KCNMA1: variants seen among roughly 807,000 people sequenced by gnomAD.
KCNMA1 encodes the protein potassium calcium-activated channel subfamily M alpha 1, also known as Calcium-activated potassium channel subunit alpha-1.
KCNMA1 carries 29 observed loss-of-function variants against 140.0 expected under a neutral mutation model. The ratio of observed to expected loss-of-function variants is 0.21; its 90% CI spans 0.15 to 0.28. The LOEUF (loss-of-function observed/expected upper bound fraction) is 0.28, where lower values mean the gene tolerates loss of function less well. Among genes scored for constraint, KCNMA1 ranks in the 10% least tolerant of loss-of-function variants. The pLI is 1.00. For synonymous variants in KCNMA1, 612 were observed against 611.9 expected, an observed-to-expected ratio of 1.00 and a Z score of 0.00; for missense variants, 880 against 1,602.2, an observed-to-expected ratio of 0.55 and a Z score of 7.70.
intron 5 of KCNMA1, among the ~76,000 whole-genome samples, chr10:77,132,522 ATTTT>A (rs34605286): frequency 2.9e-5 from 4 of 138,404 alleles, no homozygotes; most frequent in Non-Finnish European, 3.1e-5. Flanking sequence ...AGCAGGTTAA[ATTTT>A]TTTTTTTTTT....
At chr10:77,543,266 A>G (rs980376546) in intron 1 of KCNMA1, among the ~76,000 whole-genome samples, 22 of 152,128 alleles carry the variant, frequency 1.4e-4, no homozygotes, top group Admixed American at 6.6e-5. Flanking sequence ...CTCATCTCCC[A>G]TGTTCCCCTA....
chr10:77,378,392 G>A (rs535551473), intron 2 of KCNMA1, among the ~76,000 whole-genome samples: 6 of 152,336 alleles, frequency 3.9e-5, no homozygotes, highest in Admixed American at 1.3e-4. Context: ...ACCCTTCAGG[G>A]AGAGGAAGGA....
chr10:77,326,229 T>C (rs925103186), intron 2 of KCNMA1, among the ~76,000 whole-genome samples: 2 of 152,164 alleles, frequency 1.3e-5, no homozygotes, highest in African/African-American at 4.8e-5. Context: ...TCATCTGTTT[T>C]CTCTGTCCTA....
chr10:77,132,319 G>A (rs1017667964), intron 5 of KCNMA1, among the ~76,000 whole-genome samples: 1 of 151,932 alleles, frequency 6.6e-6, no homozygotes, highest in African/African-American at 2.4e-5. Context: ...AAGGGGCACA[G>A]GAATGAAAAG....
intron 1 of KCNMA1, among the ~76,000 whole-genome samples, chr10:77,560,060 G>A (rs2065872327): frequency 6.6e-6 from 1 of 151,990 alleles, no homozygotes; most frequent in Admixed American, 6.6e-5. Context: ...GCGGGTGCCT[G>A]TAATCTCAGC....
intron 1 of KCNMA1, among the ~76,000 whole-genome samples, chr10:77,574,954 G>C (rs1027604263): frequency 1.3e-5 from 2 of 152,202 alleles, no homozygotes; most frequent in East Asian, 3.9e-4. Context: ...CCTGACCACT[G>C]CAGGGGCTGG....
chr10:77,510,884 A>AT (rs1192386621), intron 1 of KCNMA1, among the ~76,000 whole-genome samples: 1 of 152,192 alleles, frequency 6.6e-6, no homozygotes, highest in African/African-American at 2.4e-5. Flanking sequence ...TTAACAACAC[A>AT]TGGAGATGAC....
chr10:77,470,222 T>C (rs2098120813), intron 1 of KCNMA1, among the ~76,000 whole-genome samples: 1 of 152,116 alleles, frequency 6.6e-6, no homozygotes, highest in Non-Finnish European at 1.5e-5. Context: ...ATGCCAATCC[T>C]GGGGGAGGGC....
intron 5 of KCNMA1, among the ~76,000 whole-genome samples, chr10:77,165,034 A>G (rs1359168721): frequency 1.3e-5 from 2 of 152,224 alleles, no homozygotes; most frequent in Admixed American, 1.3e-4. Flanking sequence ...AGACTTCTGA[A>G]GAATGAGTTG....
chr10:76,979,482 C>T (rs1429292604), intron 19 of KCNMA1: 1 of 151,952 alleles, frequency 6.6e-6, no homozygotes, highest in Non-Finnish European at 1.5e-5. Flanking sequence ...TTCTTTCCCC[C>T]CACCCCCAAA....
chr10:76,969,144 A>G lies in KCNMA1; in HGVS notation c.2360+830T>C, dbSNP rs77051022. On this transcript the variant is annotated intron_variant, in intron 20 of 27. Transcript: ENST00000286628. ...TGAAGACAAAAAGGGGAGATAAAAG[A>G]CAGATAGGCCAAGAAGAAGAAACTG... 7.4e-3 allele frequency among the ~76,000 whole-genome samples: 1,119 copies of G among 152,070 alleles called. 14 individuals carry two copies. Among genetic ancestry groups the G allele is most frequent in the African/African-American group, 0.026 (1,066 of 41,494 alleles).
At chr10:77,221,868 T>C (rs1449227420) in intron 3 of KCNMA1, among the ~76,000 whole-genome samples, 1 of 152,184 alleles carries the variant, frequency 6.6e-6, no homozygotes, top group Non-Finnish European at 1.5e-5. Context: ...GGAATATTTA[T>C]GATGCAGAGT....
rs547960859 is a variant in KCNMA1, at chr10:77,446,245, C to T, written c.379-42222G>A. On this transcript the variant is annotated intron_variant, in intron 1 of 27. Coordinates refer to ENST00000286628, the MANE Select transcript of KCNMA1 (RefSeq NM_001161352.2). The stretch of plus-strand genomic sequence containing the variant: ...CCAGTGAAACTAAACAGAGTCACTG[C>T]CTATGAAGTCCCTTCAGTCTGGAGC... 2.0e-5 allele frequency among the ~76,000 whole-genome samples: 3 copies of T among 152,328 alleles called. No homozygotes were observed. The South Asian group carries it at 6.2e-4, about 32-fold the overall frequency.
chr10:77,214,743 G>A (rs901444411), intron 3 of KCNMA1, among the ~76,000 whole-genome samples: 4 of 152,086 alleles, frequency 2.6e-5, no homozygotes, highest in Admixed American at 6.5e-5. Context: ...TTGGCAATTG[G>A]CCACTCCCTC....
intron 3 of KCNMA1, among the ~76,000 whole-genome samples, chr10:77,188,468 C>T (rs1009031941): frequency 1.3e-5 from 2 of 152,116 alleles, no homozygotes; most frequent in African/African-American, 4.8e-5. Context: ...ATCCATGAAA[C>T]AAGTGTGATA....
intron 1 of KCNMA1, among the ~76,000 whole-genome samples, chr10:77,550,870 C>A (rs1347390830): frequency 1.3e-5 from 2 of 152,284 alleles, no homozygotes; most frequent in African/African-American, 4.8e-5. Flanking sequence ...TGGGCCCTAG[C>A]CCTCAAGCTT....
Position 77,632,063 on chromosome 10 carries a change from G to A in KCNMA1, c.378+5202C>T, listed in dbSNP as rs1399693036. On this transcript the variant is annotated intron_variant, in intron 1 of 27. Coordinates refer to ENST00000286628, the MANE Select transcript of KCNMA1 (RefSeq NM_001161352.2). ...CAGGCTGAACCTTGGGCACTGCACA[G>A]CACCCCTGACACTGAAGCAAGACTG... Among the ~76,000 whole-genome samples the A allele has an allele frequency of 2.0e-5, 3 of 152,332 alleles. No homozygotes were observed. In the East Asian group the frequency reaches 5.8e-4, roughly 29 times the overall value.
chr10:77,080,626 T>C (rs940766345), intron 12 of KCNMA1, among the ~76,000 whole-genome samples: 5 of 152,108 alleles, frequency 3.3e-5, no homozygotes, highest in East Asian at 1.9e-4. Flanking sequence ...TTGGAATGCA[T>C]TGGAGATGGG....
At chr10:77,126,097 A>G (rs537959072) in intron 5 of KCNMA1, among the ~76,000 whole-genome samples, 97 of 152,334 alleles carry the variant, frequency 6.4e-4, no homozygotes, top group Non-Finnish European at 1.2e-3. Flanking sequence ...TTTGGTGACA[A>G]TTATTCATCT....
Sources: gnomAD v4.1 joint callset for allele counts (sites outside exome capture counted in the v4.1 genomes callset) on GRCh38, gnomAD v4.1.1 for gene constraint, MANE v1.5 for transcripts, NCBI Gene and HGNC (gene_info 2026-07-23, HGNC 2026-07-21) for gene names.